Variants in SETD1A observed in about 807,000 individuals in gnomAD.
SETD1A encodes the protein histone-lysine N-methyltransferase SETD1A.
Under a neutral mutation model 149.9 loss-of-function variants are expected in SETD1A, and 29 were observed. The ratio of observed to expected loss-of-function variants is 0.19; its 90% CI spans 0.14 to 0.26. SETD1A has a LOEUF of 0.26. Among genes scored for constraint, SETD1A ranks in the 10% least tolerant of loss-of-function variants. The pLI is 1.00. For synonymous variants in SETD1A, 1,141 were observed against 968.5 expected, an observed-to-expected ratio of 1.18 and a Z score of -3.31; for missense variants, 2,109 against 2,353.1, an observed-to-expected ratio of 0.90 and a Z score of 2.15.
chr16:30,962,666 C>T (rs965978712), intron 4 of SETD1A, among the ~76,000 whole-genome samples: 4 of 152,194 alleles, frequency 2.6e-5, no homozygotes, highest in Non-Finnish European at 5.9e-5. Flanking sequence ...AAGCCAGGGC[C>T]GGGCATGCGG....
intron 13 of SETD1A, among the ~76,000 whole-genome samples, chr16:30,973,946 A>AG (rs2056255414): frequency 6.6e-6 from 1 of 152,122 alleles, no homozygotes; most frequent in South Asian, 2.1e-4. Context: ...CAGGAAGGAG[A>AG]GGGGCCTGAC....
chr16:30,983,070 C>G lies in SETD1A; in HGVS notation c.4813-565C>G, dbSNP rs1596696936. On this transcript the variant is annotated intron_variant, in intron 17 of 18. Coordinates refer to ENST00000262519, the MANE Select transcript of SETD1A (RefSeq NM_014712.3). This position sits in a 1 kb window ranked among gnomAD's most constrained non-coding sequence, Gnocchi z 6.8. ...TTTGGGAGGAGTCCCCACCACATAG[C>G]TGGCGGCTGAGGCTCTGGAAGGGAG... is the stretch of plus-strand genomic sequence containing the variant. Among the ~76,000 whole-genome samples, 1 of 152,152 alleles carries G rather than the reference C, an allele frequency of 6.6e-6. No homozygotes were observed. The highest frequency in any genetic ancestry group is 2.1e-4 in the South Asian group (1 of 4,824).
rs2056166711 is a variant in SETD1A at position 30,967,651 on chromosome 16, G to A, written c.2770+63G>A. On this transcript the variant is annotated intron_variant, in intron 10 of 18. Transcript: ENST00000262519. ...CGTGGGTTCTGATGGGAGAGCAAGA[G>A]GTAGGGATGAAGGGGTCAGGTCGTC... 6.2e-6 allele frequency: 9 copies of A among 1,448,576 alleles called. No individual in the cohort carries two copies. The South Asian group carries it at 1.0e-4, about 17-fold the overall frequency. 89.7% of individuals were successfully genotyped at this position (1,448,576 alleles called of 1,614,324 possible).
chr16:30,967,114 C>T, intron 9 of SETD1A, 54 bp downstream of exon 9: 2 of 1,390,992 alleles, frequency 1.4e-6, no homozygotes, highest in Non-Finnish European at 1.9e-6. Context: ...GAGGGGGCCC[C>T]CTTCCTTGGG....
At chr16:30,978,036 G>GA (rs900495308) in intron 13 of SETD1A, among the ~76,000 whole-genome samples, 1 of 152,180 alleles carries the variant, frequency 6.6e-6, no homozygotes, top group African/African-American at 2.4e-5. Flanking sequence ...AGCACTTTGG[G>GA]AGGCCGAGGC....
intron 13 of SETD1A, among the ~76,000 whole-genome samples, chr16:30,972,115 G>A (rs2056232944): frequency 6.6e-6 from 1 of 152,156 alleles, no homozygotes; most frequent in Admixed American, 6.5e-5. Context: ...ACAGAACTTG[G>A]TCCTAGCTGC....
chr16:30,975,422 C>G (rs544937649), intron 13 of SETD1A, among the ~76,000 whole-genome samples: 1 of 151,542 alleles, frequency 6.6e-6, no homozygotes, highest in South Asian at 2.1e-4. Flanking sequence ...TCCCCACAAC[C>G]TCTCCCTTTT....
chr16:30,979,211 C>A lies in SETD1A; in HGVS notation c.3425C>A (p.Ala1142Asp). The change falls in exon 14 of 19, where the codon GCC (alanine) becomes GAC (aspartate). Residue 1142 changes from alanine (A) to aspartate (D), a missense_variant. Ala to Asp is a moderately radical substitution (Grantham distance 126). This residue lies in a region of SETD1A where 832 missense variants were observed against 815.6 expected (regional missense o/e 1.02). Coordinates refer to ENST00000262519, the MANE Select transcript of SETD1A (RefSeq NM_014712.3). ...RPPEPPAGPP[A>D]PAPRPDERPS... ...CCAGAACCACCTGCTGGGCCCCCGG[C>A]CCCTGCCCCACGCCCCGATGAGCGT... The A allele has an allele frequency of 6.3e-7, 1 of 1,581,578 alleles. No homozygotes were observed. Among genetic ancestry groups the A allele is most frequent in the Non-Finnish European group, 8.6e-7 (1 of 1,162,692 alleles).
At position 30,980,329 on chromosome 16, in the gene SETD1A, T is replaced by C; in HGVS notation, c.4408+135T>C. 5 of 1,437,594 alleles carry C rather than the reference T, an allele frequency of 3.5e-6. No individual in the cohort carries two copies. In the African/African-American group the frequency reaches 4.3e-5, roughly 12 times the overall value. The allele number at this position is 1,437,594 out of a possible 1,614,324, so 89.1% of individuals were successfully genotyped here. On this transcript the variant is annotated intron_variant, in intron 14 of 18. Transcript: ENST00000262519. The surrounding 1 kb of genome is among the most constrained non-coding windows in gnomAD (Gnocchi z 7.7). ...TTTTCTCTCCTCCTGGTGCCTCTTTTCTGCCTTCCAAAGCATTTCTGGCAG... is the reference window on the plus strand; with the variant it reads ...TTTTCTCTCCTCCTGGTGCCTCTTTCCTGCCTTCCAAAGCATTTCTGGCAG...
chr16:30,979,804 G>A lies in SETD1A; in HGVS notation c.4018G>A (p.Glu1340Lys), dbSNP rs1237118676. Residue 1340 changes from glutamate to lysine, a missense_variant, in exon 14 of 19, where the codon GAG (glutamate) becomes AAG (lysine). Around this residue, in one of 8 missense-constraint regions of SETD1A, gnomAD observed 832 missense variants for 815.6 expected, o/e 1.02. Coordinates refer to ENST00000262519, the MANE Select transcript of SETD1A (RefSeq NM_014712.3). Reference protein sequence around the residue: ...SPADEVLEAPEVVVAEAEEPK... With the variant: ...SPADEVLEAPKVVVAEAEEPK... ...AGCTGATGAGGTCCTGGAGGCCCCC[G>A]AGGTGGTGGTGGCTGAGGCGGAGGA... 1 of 1,573,328 alleles carries A rather than the reference G, an allele frequency of 6.4e-7. No individual in the cohort carries two copies. Among genetic ancestry groups the A allele is most frequent in the Non-Finnish European group, 8.6e-7 (1 of 1,166,876 alleles).
At position 30,969,705 on chromosome 16, in the gene SETD1A, T is replaced by G. The variant is rs768926722; in HGVS notation, c.3016+16T>G. ...GTGTCGGATGGTGAGCACAAGACAGTGAAATCGACTTTGGGCTCGGAGGAG... is the reference window on the plus strand; with the variant it reads ...GTGTCGGATGGTGAGCACAAGACAGGGAAATCGACTTTGGGCTCGGAGGAG... On this transcript the variant is annotated intron_variant, in intron 12 of 18. Transcript: ENST00000262519. 5 of 1,606,048 alleles carry G rather than the reference T, an allele frequency of 3.1e-6. No homozygotes were observed. In the African/African-American group the frequency reaches 5.4e-5, roughly 17 times the overall value.
Position 30,967,490 on chromosome 16 carries a change from C to T in SETD1A, c.2683-11C>T. The T allele has an allele frequency of 1.2e-6, 2 of 1,613,484 alleles. No individual in the cohort carries two copies. Among genetic ancestry groups the T allele is most frequent in the Non-Finnish European group, 1.7e-6 (2 of 1,179,484 alleles). On this transcript the variant is annotated splice_polypyrimidine_tract_variant and intron_variant, in intron 9 of 18. Transcript: ENST00000262519. ...GCTCTAAACAGGCCCCATCTTTTCC[C>T]CATCCCCCAGGTAAAGCGGAAAGAG... is the stretch of plus-strand genomic sequence containing the variant.
rs1483264787 is a variant in SETD1A, at chr16:30,979,533, A to G, written c.3747A>G (p.Thr1249=). 6.2e-7 allele frequency: 1 copy of G among 1,608,566 alleles called. No individual in the cohort carries two copies. Among genetic ancestry groups the G allele is most frequent in the Non-Finnish European group, 8.5e-7 (1 of 1,178,552 alleles). ...AGGAAGAGGAGGCTGAGCCAGGGAC[A>G]GAGGTGGACCTGGCGGTCCTGGCCG... is the stretch of plus-strand genomic sequence containing the variant. The part of the protein sequence containing the change: ...LTEEEEAEPG[T]EVDLAVLADL... The change falls in exon 14 of 19, where the codon ACA becomes ACG. Residue 1249 remains threonine (T), a synonymous_variant. Coordinates refer to ENST00000262519, the MANE Select transcript of SETD1A (RefSeq NM_014712.3).
intron 4 of SETD1A, 85 bp from the exon 5 acceptor site, chr16:30,963,348 T>G (rs2056080413): frequency 7.6e-7 from 1 of 1,322,316 alleles, no homozygotes; most frequent in East Asian, 2.8e-5. Context: ...TGTAGGAAAC[T>G]TGAGGCCTGA....
rs1474953777 is a variant in SETD1A at position 30,965,376 on chromosome 16, C to T, written c.1634C>T (p.Pro545Leu). The change falls in exon 7 of 19, where the codon CCA (proline) becomes CTA (leucine). Residue 545 changes from proline to leucine, a missense_variant. This residue lies in a region of SETD1A where 431 missense variants were observed against 388.6 expected (regional missense o/e 1.11). Coordinates refer to ENST00000262519, the MANE Select transcript of SETD1A (RefSeq NM_014712.3). The stretch of plus-strand genomic sequence containing the variant: ...GGGCCCTGCACACCCCCTCCGGCCC[C>T]AGCTAATTTTGAGGATGTGGCACCT... ...GHGPCTPPPAPANFEDVAPTG... is the reference protein window; with the variant it reads ...GHGPCTPPPALANFEDVAPTG... 3 of 1,611,014 alleles carry T rather than the reference C, an allele frequency of 1.9e-6. No individual in the cohort carries two copies. Among genetic ancestry groups the T allele is most frequent in the South Asian group, 2.2e-5 (2 of 91,044 alleles).
intron 3 of SETD1A, among the ~76,000 whole-genome samples, chr16:30,960,153 C>T (rs1386985990): frequency 2.0e-5 from 3 of 152,132 alleles, no homozygotes; most frequent in Non-Finnish European, 4.4e-5. Flanking sequence ...TTCACCTGGT[C>T]TCCTTGCCTT....
intron 10 of SETD1A, among the ~76,000 whole-genome samples, chr16:30,968,463 A>G (rs991915258): frequency 6.6e-6 from 1 of 151,060 alleles, no homozygotes; most frequent in African/African-American, 2.4e-5. Flanking sequence ...TATACACACA[A>G]ATATATACAC....
chr16:30,966,859 G>A, intron 8 of SETD1A, 25 bp from the exon 9 acceptor site: 2 of 1,532,780 alleles, frequency 1.3e-6, no homozygotes, highest in Admixed American at 4.2e-5. Context: ...TGGGCGCTGG[G>A]GCTCAGCCCC....
intron 13 of SETD1A, among the ~76,000 whole-genome samples, chr16:30,978,900 G>GGT (rs1316755165): frequency 6.6e-6 from 1 of 152,176 alleles, no homozygotes; most frequent in African/African-American, 2.4e-5. Flanking sequence ...GGACATGGAA[G>GGT]GTGTGTGTGT....
Sources: allele counts gnomAD v4.1 joint callset (sites outside exome capture counted in the v4.1 genomes callset), GRCh38; gene constraint gnomAD v4.1.1; regional missense constraint gnomAD v4.1.1; non-coding constraint Gnocchi (gnomAD v3.1); transcripts MANE v1.5; gene names NCBI Gene and HGNC (gene_info 2026-07-23, HGNC 2026-07-21).